The following COQ4 variants were observed in gnomAD, a reference collection of about 807,000 sequenced individuals.
COQ4 encodes the protein coenzyme Q4, also known as ubiquinone biosynthesis protein COQ4 homolog, mitochondrial.
COQ4 carries 36 observed loss-of-function variants against 30.2 expected under a neutral mutation model. The ratio of observed to expected loss-of-function variants is 1.19; its 90% confidence interval spans 0.91 to 1.57. The LOEUF is 1.57. Among genes scored for constraint, COQ4 ranks in the 40% most tolerant of loss-of-function variants. The probability of loss-of-function intolerance (pLI) is 0.00; values close to 1 mark genes in which losing one functional copy is unlikely to be tolerated. For synonymous variants in COQ4, 197 were observed against 161.0 expected, an observed-to-expected ratio of 1.22 and a Z score of -1.69; for missense variants, 369 against 371.9, an observed-to-expected ratio of 0.99 and a Z score of 0.07.
rs61027120 is a variant in COQ4, at chr9:128,331,735, GT to G, written c.403-408del. 502 of 151,150 alleles carry G rather than the reference GT, an allele frequency of 3.3e-3. 7 individuals are homozygous for G. Among genetic ancestry groups the G allele is most frequent in the Admixed American group, 0.01 (154 of 15,058 alleles). The allele number at this position is 151,150 out of a possible 1,614,324, so 9.4% of individuals were successfully genotyped here. A position where few individuals can be genotyped will look rare whatever the true frequency, so the allele number is the denominator to read the frequency against. ...AATTTTTGTATTTTTTTTGTTCTGG[GT>G]TTTTTTTTTCTTTGAGACAGAGTCT... On this transcript the variant is annotated intron_variant, in intron 4 of 6. Coordinates refer to ENST00000300452, the MANE Select transcript of COQ4 (RefSeq NM_016035.5).
chr9:128,323,759 C>T (rs1832261816), intron 2 of COQ4, among the ~76,000 whole-genome samples: 1 of 152,184 alleles, frequency 6.6e-6, no homozygotes. Context: ...TTGAAACCAG[C>T]CTGGGCAACA....
At chr9:128,328,112 G>A (rs931754026) in intron 4 of COQ4, among the ~76,000 whole-genome samples, 2 of 152,270 alleles carry the variant, frequency 1.3e-5, no homozygotes, top group Admixed American at 1.3e-4. Flanking sequence ...AGGTTGACCA[G>A]TGTGGCCGCA....
rs1225233540 is a variant in COQ4 at position 128,325,223 on chromosome 9, G to A, written c.283G>A (p.Gly95Ser). ...LRDQMRRDPEGAQILQERPRI... is the reference protein window; with the variant it reads ...LRDQMRRDPESAQILQERPRI... ...GGACCAGATGAGGAGGGATCCAGAG[G>A]GTGCCCAGATCCTGCAGTAGGTCCC... The change falls in exon 3 of 7, where the codon GGT becomes AGT. Residue 95 changes from glycine (G) to serine (S), a missense_variant. Gly to Ser is a moderately conservative substitution (Grantham distance 56). Coordinates refer to ENST00000300452, the MANE Select transcript of COQ4 (RefSeq NM_016035.5). 1.2e-6 allele frequency: 2 copies of A among 1,613,774 alleles called. No homozygotes were observed. The highest frequency in any genetic ancestry group is 8.5e-7 in the Non-Finnish European group (1 of 1,179,732).
chr9:128,327,259 A>G (rs774715543), intron 4 of COQ4, among the ~76,000 whole-genome samples: 2 of 151,974 alleles, frequency 1.3e-5, no homozygotes, highest in Non-Finnish European at 2.9e-5. Flanking sequence ...TCTGACCAAC[A>G]TGGTGGAAAC....
intron 1 of COQ4, 32 bp from the exon 2 acceptor site, chr9:128,322,984 C>G: frequency 6.2e-7 from 1 of 1,608,682 alleles, no homozygotes; most frequent in Non-Finnish European, 8.5e-7. Context: ...GCGCCCGGCT[C>G]CTCTGACCTC....
In COQ4 at chr9:128,332,294, C is replaced by T. The variant is rs1195632575; in HGVS notation, c.532+12C>T. On this transcript the variant is annotated intron_variant, in intron 5 of 6. Transcript: ENST00000300452. ...CACCAACATCCTGGGTGAGTGCCCC[C>T]AACCCTGATGGCCTGTCTCCCTGGG... is the stretch of plus-strand genomic sequence containing the variant. 5.6e-6 allele frequency: 9 copies of T among 1,611,294 alleles called. No individual in the cohort carries two copies. The highest frequency in any genetic ancestry group is 4.1e-4 in the Middle Eastern group (2 of 4,922).
intron 4 of COQ4, among the ~76,000 whole-genome samples, chr9:128,330,184 CATG>C (rs1832381473): frequency 6.7e-6 from 1 of 148,360 alleles, no homozygotes; most frequent in African/African-American, 2.5e-5. Context: ...GCCTGACCAA[CATG>C]GTGAAACCCT....
At chr9:128,328,323 A>G (rs1283073680) in intron 4 of COQ4, among the ~76,000 whole-genome samples, 1 of 152,216 alleles carries the variant, frequency 6.6e-6, no homozygotes, top group Non-Finnish European at 1.5e-5. Context: ...TCCCTGTCCC[A>G]TCTTCCCTCC....
Position 128,323,133 on chromosome 9 carries a change from A to C in COQ4, c.188A>C (p.Asn63Thr), listed in dbSNP as rs1431441269. The C allele has an allele frequency of 6.9e-6, 11 of 1,602,782 alleles. No individual in the cohort carries two copies. Among genetic ancestry groups the C allele is most frequent in the African/African-American group, 1.3e-5 (1 of 74,582 alleles). The change falls in exon 2 of 7, where the codon AAC (asparagine) becomes ACC (threonine). Residue 63 changes from asparagine to threonine, a missense_variant. Coordinates refer to ENST00000300452, the MANE Select transcript of COQ4 (RefSeq NM_016035.5). ...GGCTCCGCGGCGATGGCGCTCTATA[A>C]CCCCTACCGCCACGGTAAGGCCGCC... is the stretch of plus-strand genomic sequence containing the variant. ...AAGSAAMALYNPYRHDMVAVL... is the reference protein window; with the variant it reads ...AAGSAAMALYTPYRHDMVAVL...
chr9:128,322,976 G>T (rs1832234950), intron 1 of COQ4, 40 bp from the exon 2 acceptor site: 4 of 1,606,734 alleles, frequency 2.5e-6, no homozygotes, highest in East Asian at 2.2e-5. Flanking sequence ...GCCTGAGGGC[G>T]CCCGGCTCCT....
chr9:128,325,709 A>C, intron 3 of COQ4, 70 bp from the exon 4 acceptor site: 1 of 1,187,316 alleles, frequency 8.4e-7, no homozygotes, highest in Non-Finnish European at 1.2e-6. Flanking sequence ...CCCGCCCCTC[A>C]GCTCGCTGTA....
chr9:128,325,465 C>A (rs1832301821), intron 3 of COQ4, among the ~76,000 whole-genome samples: 2 of 152,202 alleles, frequency 1.3e-5, no homozygotes, highest in South Asian at 4.1e-4. Context: ...CCAGTTTCAA[C>A]CACAGGGCTC....
rs1197571776 is a variant in COQ4, at chr9:128,323,159, C to T, written c.202+12C>T. ...CCCCTACCGCCACGGTAAGGCCGCCCGCGCCTCGCCCCCGTGGGGGCGGCT... is the reference window on the plus strand; with the variant it reads ...CCCCTACCGCCACGGTAAGGCCGCCTGCGCCTCGCCCCCGTGGGGGCGGCT... On this transcript the variant is annotated intron_variant, in intron 2 of 6. Coordinates refer to ENST00000300452, the MANE Select transcript of COQ4 (RefSeq NM_016035.5). 3.2e-6 allele frequency: 5 copies of T among 1,575,738 alleles called. No individual in the cohort carries two copies. Among genetic ancestry groups the T allele is most frequent in the Non-Finnish European group, 4.3e-6 (5 of 1,166,272 alleles).
chr9:128,328,495 G>T (rs1236393485), intron 4 of COQ4, among the ~76,000 whole-genome samples: 1 of 152,192 alleles, frequency 6.6e-6, no homozygotes, highest in Non-Finnish European at 1.5e-5. Flanking sequence ...GGGCGGTCCT[G>T]AGCCTGGTAG....
Position 128,325,864 on chromosome 9 carries a change from C to T in COQ4, c.385C>T (p.Arg129Cys), listed in dbSNP as rs139770523. Reference protein sequence around the residue: ...PEGSLGREYLRFLDVNRVSPD... With the variant: ...PEGSLGREYLCFLDVNRVSPD... ...AGGCTCCCTCGGTCGCGAGTATCTC[C>T]GTTTCCTGGATGTGAACGTGAGTTT... The change falls in exon 4 of 7, where the codon CGT (arginine) becomes TGT (cysteine). Residue 129 changes from arginine to cysteine, a missense_variant. By Grantham distance (180) the Arg-to-Cys change is radical (BLOSUM62 -3). Coordinates refer to ENST00000300452, the MANE Select transcript of COQ4 (RefSeq NM_016035.5). The T allele has an allele frequency of 2.8e-5, 45 of 1,614,110 alleles. No homozygotes were observed. In the East Asian group the frequency reaches 3.3e-4, roughly 12 times the overall value.
chr9:128,323,561 T>A (rs1832255185), intron 2 of COQ4: 1 of 405,248 alleles, frequency 2.5e-6, no homozygotes, highest in South Asian at 1.1e-4. Flanking sequence ...GCTCAATAAA[T>A]GTTTGCTGGA....
At chr9:128,325,642 C>T (rs1435098530) in intron 3 of COQ4, 137 bp from the exon 4 acceptor site, 4 of 669,530 alleles carry the variant, frequency 6.0e-6, no homozygotes, top group Non-Finnish European at 1.1e-5. Context: ...CTAGCCTGGC[C>T]AGTTGTAGGT....
intron 4 of COQ4, among the ~76,000 whole-genome samples, chr9:128,328,201 A>G (rs905991335): frequency 6.6e-6 from 1 of 152,198 alleles, no homozygotes; most frequent in Non-Finnish European, 1.5e-5. Flanking sequence ...CAGAAGGAGG[A>G]GTCTGTATTT....
At position 128,322,892 on chromosome 9, in the gene COQ4, C is replaced by T; in HGVS notation, c.34C>T (p.Leu12Phe). 1 of 1,591,644 alleles carries T rather than the reference C, an allele frequency of 6.3e-7. No individual in the cohort carries two copies. The highest frequency in any genetic ancestry group is 1.3e-5 in the African/African-American group (1 of 74,594). ...TCTGCTGCGCCCTGTCCTCCGTCGG[C>T]TCTGCGGGCTCCCGGGCCTACAGCG... ...ATLLRPVLRRLCGLPGLQRPA... is the reference protein window; with the variant it reads ...ATLLRPVLRRFCGLPGLQRPA... The change falls in exon 1 of 7, where the codon CTC (leucine) becomes TTC (phenylalanine). Residue 12 changes from leucine (L) to phenylalanine (F), a missense_variant. Coordinates refer to ENST00000300452, the MANE Select transcript of COQ4 (RefSeq NM_016035.5).
Sources: allele counts gnomAD v4.1 joint callset (sites outside exome capture counted in the v4.1 genomes callset), GRCh38; gene constraint gnomAD v4.1.1; transcripts MANE v1.5; gene names NCBI Gene and HGNC (gene_info 2026-07-23, HGNC 2026-07-21).